RGS3: variants seen among roughly 807,000 people sequenced by gnomAD.
The protein encoded by RGS3 is regulator of G-protein signalling 3.
A neutral mutation model predicts 132.6 loss-of-function variants in RGS3; 80 were observed. The ratio of observed to expected loss-of-function variants is 0.60; its 90% CI spans 0.50 to 0.73. RGS3 has a LOEUF of 0.73. Ranked by LOEUF, RGS3 falls within the 30% of genes least tolerant of loss-of-function variation. The probability of loss-of-function intolerance (pLI) is 0.00; values close to 1 mark genes in which losing one functional copy is unlikely to be tolerated. For synonymous variants in RGS3, 598 were observed against 620.6 expected, an observed-to-expected ratio of 0.96 and a Z score of 0.54; for missense variants, 1,382 against 1,530.8, an observed-to-expected ratio of 0.90 and a Z score of 1.62.
At chr9:113,559,389 GACTGAT>G (rs1206062203) in intron 19 of RGS3, among the ~76,000 whole-genome samples, 1 of 152,244 alleles carries the variant, frequency 6.6e-6, no homozygotes, top group Non-Finnish European at 1.5e-5. Flanking sequence ...CCCAAGGTCA[GACTGAT>G]ACTGCTGAGG....
chr9:113,559,640 C>G (rs1228860799), intron 19 of RGS3, among the ~76,000 whole-genome samples: 1 of 152,176 alleles, frequency 6.6e-6, no homozygotes. Context: ...AGATTAAGGG[C>G]AGAATATACA....
intron 19 of RGS3, chr9:113,541,779 C>T (rs1364396542): frequency 4.0e-6 from 4 of 1,008,094 alleles, no homozygotes; most frequent in Non-Finnish European, 4.7e-6. Context: ...GGAGAGGTCA[C>T]CCTGATGAAG....
chr9:113,449,667 G>T (rs1028641863), intron 1 of RGS3, among the ~76,000 whole-genome samples: 1 of 152,274 alleles, frequency 6.6e-6, no homozygotes, highest in East Asian at 1.9e-4. Flanking sequence ...GATAACTGTG[G>T]TTATTCATGA....
At chr9:113,517,842 T>C (rs1335462508) in intron 16 of RGS3, among the ~76,000 whole-genome samples, 2 of 152,162 alleles carry the variant, frequency 1.3e-5, no homozygotes, top group African/African-American at 4.8e-5. Flanking sequence ...CTTTGATGGT[T>C]AGAAAGTTTC....
At chr9:113,515,058 C>T (rs1468605469) in intron 15 of RGS3, among the ~76,000 whole-genome samples, 1 of 152,172 alleles carries the variant, frequency 6.6e-6, no homozygotes, top group African/African-American at 2.4e-5. Context: ...GCCTTATCTG[C>T]TCTCCCTGGT....
rs1331875562 is a variant in RGS3, at chr9:113,565,351, G to T, written c.2038-18099G>T. ...CCTCTCTCCAGAGTGGCGGTGGCCG[G>T]CTAGACAGGGTGTGTGTTTGGGAAA... is the stretch of plus-strand genomic sequence containing the variant. On this transcript the variant is annotated intron_variant, in intron 19 of 24. Coordinates refer to ENST00000350696, the Ensembl canonical transcript of RGS3. The surrounding 1 kb of genome is among the most constrained non-coding windows in gnomAD (Gnocchi z 5.7). 7.8e-7 allele frequency: 1 copy of T among 1,289,844 alleles called. No homozygotes were observed. The highest frequency in any genetic ancestry group is 1.5e-5 in the African/African-American group (1 of 65,810). 79.9% of individuals were successfully genotyped at this position (1,289,844 alleles called of 1,614,324 possible).
At chr9:113,488,700 T>C (rs1224587616) in intron 7 of RGS3, among the ~76,000 whole-genome samples, 1 of 152,156 alleles carries the variant, frequency 6.6e-6, no homozygotes, top group Non-Finnish European at 1.5e-5. Context: ...TGAGATGCCT[T>C]ATTAAACAAA....
At position 113,484,189 on chromosome 9, in the gene RGS3, G is replaced by A. The variant is rs770598136; in HGVS notation, c.577G>A (p.Val193Ile). The A allele has an allele frequency of 6.3e-5, 101 of 1,612,926 alleles. No homozygotes were observed. Among genetic ancestry groups the A allele is most frequent in the Admixed American group, 3.7e-4 (22 of 59,976 alleles). ...ACTACGCCACCAGAAGACGCAGACCGTTCCAGACTGCAGAGACCCGGCTTT... is the reference window on the plus strand; with the variant it reads ...ACTACGCCACCAGAAGACGCAGACCATTCCAGACTGCAGAGACCCGGCTTT... The change falls in exon 6 of 25, where the codon GTT becomes ATT. Residue 193 changes from valine (V) to isoleucine (I), a missense_variant. Coordinates refer to ENST00000350696, the Ensembl canonical transcript of RGS3.
At chr9:113,486,932 A>G (rs1273605531) in intron 7 of RGS3, among the ~76,000 whole-genome samples, 1 of 152,178 alleles carries the variant, frequency 6.6e-6, no homozygotes, top group Non-Finnish European at 1.5e-5. Flanking sequence ...CACTGTGGCA[A>G]CAACATGCTG....
chr9:113,582,180 G>T, intron 19 of RGS3: 5 of 985,434 alleles, frequency 5.1e-6, no homozygotes, highest in Non-Finnish European at 4.8e-6. Flanking sequence ...ACTCCCCAGG[G>T]CTTCAAAGAC....
In RGS3 at chr9:113,463,260, G is replaced by A. The variant is rs956535567; in HGVS notation, c.415+1059G>A. Among the ~76,000 whole-genome samples, 1 of 152,236 alleles carries A rather than the reference G, an allele frequency of 6.6e-6. No individual in the cohort carries two copies. Among genetic ancestry groups the A allele is most frequent in the Non-Finnish European group, 1.5e-5 (1 of 68,030 alleles). On this transcript the variant is annotated intron_variant, in intron 3 of 24. Coordinates refer to ENST00000350696, the Ensembl canonical transcript of RGS3. The surrounding 1 kb of genome is among the most constrained non-coding windows in gnomAD (Gnocchi z 4.6). ...TTTGGGAAGAGGATGCAGCATGGTG[G>A]GGGGCGACCTGTCCAAGCGCAGAGA...
chr9:113,485,782 G>T lies in RGS3; in HGVS notation c.689+89G>T, dbSNP rs7866866. On this transcript the variant is annotated intron_variant, in intron 7 of 24. Transcript: ENST00000350696. ...CCAGCATACACCAGGGGTTCGATTA[G>T]TGCTTTCTGGATAAATGAGTGATAG... is the stretch of plus-strand genomic sequence containing the variant. 3,164 of 883,792 alleles carry T rather than the reference G, an allele frequency of 3.6e-3. 65 individuals carry two copies. The African/African-American group carries it at 0.048, about 13-fold the overall frequency. 54.7% of individuals were successfully genotyped at this position (883,792 alleles called of 1,614,324 possible).
chr9:113,509,965 A>G (rs926936155), intron 14 of RGS3, among the ~76,000 whole-genome samples: 2 of 152,102 alleles, frequency 1.3e-5, no homozygotes, highest in Non-Finnish European at 2.9e-5. Flanking sequence ...TCCATAGATT[A>G]TTGGGGTACA....
At chr9:113,474,874 C>T (rs1301638649) in intron 3 of RGS3, among the ~76,000 whole-genome samples, 1 of 152,194 alleles carries the variant, frequency 6.6e-6, no homozygotes, top group Non-Finnish European at 1.5e-5. Context: ...ATCCCTGAGT[C>T]TAGCAAAGGT....
At chr9:113,552,805 A>G (rs2118754377) in intron 19 of RGS3, among the ~76,000 whole-genome samples, 1 of 152,338 alleles carries the variant, frequency 6.6e-6, no homozygotes, top group East Asian at 1.9e-4. Context: ...GATTTCCCAA[A>G]GTTTTAGAAA....
chr9:113,508,422 T>TC lies in RGS3; in HGVS notation c.1438-118dup, dbSNP rs1588175081. Reference sequence around the variant, plus strand: ...AGCTGGTTACCAGAACTGCTGTTTTTCTCTTGTGCCCTGAGGTGCTCCACT... The same window carrying TC: ...AGCTGGTTACCAGAACTGCTGTTTTTCCTCTTGTGCCCTGAGGTGCTCCACT... On this transcript the variant is annotated intron_variant, in intron 13 of 24. Transcript: ENST00000350696. 7 of 961,556 alleles carry TC rather than the reference T, an allele frequency of 7.3e-6. No individual in the cohort carries two copies. In the East Asian group the frequency reaches 1.7e-4, roughly 23 times the overall value. 59.6% of individuals were successfully genotyped at this position (961,556 alleles called of 1,614,324 possible).
chr9:113,571,000 T>A (rs1425961055), intron 19 of RGS3, among the ~76,000 whole-genome samples: 1 of 152,234 alleles, frequency 6.6e-6, no homozygotes, highest in East Asian at 1.9e-4. Flanking sequence ...ATGGAATCAT[T>A]GGGTACATAT....
At chr9:113,539,365 A>G (rs954606330) in intron 19 of RGS3, among the ~76,000 whole-genome samples, 5 of 152,170 alleles carry the variant, frequency 3.3e-5, no homozygotes, top group African/African-American at 9.7e-5. Context: ...GCTGGGGTGC[A>G]GTGGTGCGAT....
At chr9:113,596,968 G>C in exon 25 of RGS3, 1 of 1,584,224 alleles carries the variant, frequency 6.3e-7, no homozygotes, top group Non-Finnish European at 8.6e-7. Flanking sequence ...CACTGGAGTC[G>C]AGCTCAGCGT....
Sources: allele counts gnomAD v4.1 joint callset (sites outside exome capture counted in the v4.1 genomes callset), GRCh38; gene constraint gnomAD v4.1.1; non-coding constraint Gnocchi (gnomAD v3.1); transcripts MANE v1.5; gene names NCBI Gene and HGNC (gene_info 2026-07-23, HGNC 2026-07-21).